CADM2: variants seen among roughly 807,000 people sequenced by gnomAD.
CADM2 encodes the protein cell adhesion molecule 2, also known as immunoglobulin superfamily member 4D.
In CADM2, 12 loss-of-function variants were observed where a neutral mutation model predicts 49.8. That is an observed-to-expected ratio of 0.24 (90% CI 0.15 to 0.39). The LOEUF is 0.39. CADM2 is among the 10% of genes least tolerant of loss of function. The pLI, the probability that CADM2 is intolerant of heterozygous loss-of-function variation, is 1.00. For missense variants in CADM2, 378 were observed against 492.3 expected (o/e 0.77, Z 2.20); for synonymous variants, 214 against 175.4 (o/e 1.22, Z -1.74).
chr3:85,959,185 G>A (rs1351244919), intron 7 of CADM2, among the ~76,000 whole-genome samples: 1 of 121,298 alleles, frequency 8.2e-6, no homozygotes, highest in Non-Finnish European at 1.8e-5. Flanking sequence ...TCTCACAAAG[G>A]CAACTGATGA....
At chr3:85,745,790 T>C (rs2068593885) in intron 2 of CADM2, among the ~76,000 whole-genome samples, 1 of 152,026 alleles carries the variant, frequency 6.6e-6, no homozygotes. Flanking sequence ...GCTTGAGCTG[T>C]TGAATGAAAT....
At chr3:85,778,468 C>T (rs746360367) in intron 2 of CADM2, among the ~76,000 whole-genome samples, 2 of 151,994 alleles carry the variant, frequency 1.3e-5, no homozygotes, top group Admixed American at 1.3e-4. Context: ...CAGTTTCTCC[C>T]GTGATGTTCT....
At chr3:85,726,122 G>C (rs1215503954) in intron 1 of CADM2, among the ~76,000 whole-genome samples, 1 of 151,944 alleles carries the variant, frequency 6.6e-6, no homozygotes, top group Non-Finnish European at 1.5e-5. Flanking sequence ...GAAGTGGCCT[G>C]CTTTTCTAGT....
At chr3:85,807,315 G>A (rs1423340365) in intron 3 of CADM2, among the ~76,000 whole-genome samples, 4 of 151,822 alleles carry the variant, frequency 2.6e-5, no homozygotes, top group African/African-American at 4.8e-5. Flanking sequence ...CCTGGCCAAC[G>A]TGACGAAAAA....
intron 1 of CADM2, among the ~76,000 whole-genome samples, chr3:85,366,136 T>C (rs1208740482): frequency 6.6e-6 from 1 of 152,234 alleles, no homozygotes; most frequent in Non-Finnish European, 1.5e-5. Flanking sequence ...AGATGTATCA[T>C]GAAAATTAGC....
At chr3:85,449,227 G>T (rs934641141) in intron 1 of CADM2, among the ~76,000 whole-genome samples, 2 of 150,556 alleles carry the variant, frequency 1.3e-5, no homozygotes, top group African/African-American at 4.9e-5. Flanking sequence ...AAGAAAAAAA[G>T]GCCTTTTATT....
intron 3 of CADM2, among the ~76,000 whole-genome samples, chr3:85,857,443 C>T (rs927212064): frequency 2.6e-5 from 4 of 152,128 alleles, no homozygotes; most frequent in African/African-American, 4.8e-5. Context: ...CAGAGTCCTC[C>T]GTGCCTACCA....
intron 1 of CADM2, among the ~76,000 whole-genome samples, chr3:85,636,371 A>G (rs1203296009): frequency 1.3e-5 from 2 of 152,206 alleles, no homozygotes; most frequent in African/African-American, 4.8e-5. Flanking sequence ...GAAAAATTGA[A>G]AAAAGCTTAT....
intron 1 of CADM2, among the ~76,000 whole-genome samples, chr3:85,291,123 G>A (rs949599912): frequency 1.2e-4 from 19 of 152,148 alleles, no homozygotes; most frequent in African/African-American, 3.9e-4. Context: ...ACCAAGGCTC[G>A]AGAACTACGT....
At chr3:85,867,123 A>G (rs2075752386) in intron 3 of CADM2, among the ~76,000 whole-genome samples, 1 of 152,138 alleles carries the variant, frequency 6.6e-6, no homozygotes, top group African/African-American at 2.4e-5. Context: ...GAAGTAAAGC[A>G]TCTTTAAAAC....
intron 1 of CADM2, among the ~76,000 whole-genome samples, chr3:85,419,481 G>A (rs1218866158): frequency 6.6e-6 from 1 of 151,128 alleles, no homozygotes; most frequent in Non-Finnish European, 1.5e-5. Context: ...AAATTGCAGT[G>A]AAAGATGTGA....
chr3:85,991,150 A>G (rs1559786947), intron 8 of CADM2, among the ~76,000 whole-genome samples: 1 of 152,206 alleles, frequency 6.6e-6, no homozygotes, highest in Non-Finnish European at 1.5e-5. Flanking sequence ...GCTTGTTAAA[A>G]TAACTCTTAT....
At chr3:86,037,233 C>T (rs1049350482) in intron 8 of CADM2, among the ~76,000 whole-genome samples, 2 of 152,020 alleles carry the variant, frequency 1.3e-5, no homozygotes, top group African/African-American at 4.8e-5. Flanking sequence ...ACCTCCTTGC[C>T]CCCATACTTG....
In CADM2 at chr3:85,536,461, G is replaced by GT. The variant is rs558599794; in HGVS notation, c.62-190054dup. On this transcript the variant is annotated intron_variant, in intron 1 of 9. Coordinates refer to ENST00000383699, the MANE Select transcript of CADM2 (RefSeq NM_001167675.2). ...TTTTGGTACTATTAAATATAGTATT[G>GT]TTTTTTTCTTTTTCTTTGTTTTAAA... Among the ~76,000 whole-genome samples the GT allele has an allele frequency of 2.3e-3, 98 of 42,214 alleles. 2 individuals carry two copies. In the South Asian group the frequency reaches 0.071, roughly 31 times the overall value. The allele number at this position is 42,214 out of a possible 152,430, so 27.7% of individuals were successfully genotyped here. A position where few individuals can be genotyped will look rare whatever the true frequency, so the allele number is the denominator to read the frequency against.
chr3:85,913,600 A>G (rs1717904273), intron 6 of CADM2, among the ~76,000 whole-genome samples: 1 of 152,226 alleles, frequency 6.6e-6, no homozygotes, highest in Admixed American at 6.5e-5. Context: ...GGTTACAGCA[A>G]TGACCAAACA....
intron 2 of CADM2, among the ~76,000 whole-genome samples, chr3:85,748,136 C>T (rs1577219418): frequency 6.6e-6 from 1 of 151,944 alleles, no homozygotes; most frequent in Non-Finnish European, 1.5e-5. Flanking sequence ...CCATAATCTC[C>T]ATTAGTAGAA....
intron 1 of CADM2, among the ~76,000 whole-genome samples, chr3:85,607,839 T>C (rs972637235): frequency 1.3e-5 from 2 of 151,864 alleles, no homozygotes; most frequent in African/African-American, 4.8e-5. Flanking sequence ...GTATTTTTAG[T>C]AGAGACGGGG....
intron 1 of CADM2, among the ~76,000 whole-genome samples, chr3:85,007,400 G>GGGA (rs2033784045): frequency 2.0e-5 from 3 of 152,172 alleles, no homozygotes; most frequent in Non-Finnish European, 4.4e-5. Context: ...AAATGAGTGT[G>GGGA]TCTGTGTTCC....
intron 8 of CADM2, among the ~76,000 whole-genome samples, chr3:85,962,119 A>T (rs938052844): frequency 6.6e-6 from 1 of 151,776 alleles, no homozygotes; most frequent in African/African-American, 2.4e-5. Flanking sequence ...GGCTTTCGCC[A>T]TGTTCACCAG....
Sources: allele counts gnomAD v4.1 joint callset (sites outside exome capture counted in the v4.1 genomes callset), GRCh38; gene constraint gnomAD v4.1.1; transcripts MANE v1.5; gene names NCBI Gene and HGNC (gene_info 2026-07-23, HGNC 2026-07-21).